CDH13: variants seen among roughly 807,000 people sequenced by gnomAD.
The protein encoded by CDH13 is cadherin-13.
In CDH13, 24 loss-of-function variants were observed where a neutral mutation model predicts 63.8. The ratio of observed to expected loss-of-function variants is 0.38; its 90% CI spans 0.27 to 0.53. The LOEUF (loss-of-function observed/expected upper bound fraction) is 0.53. Ranked by LOEUF, CDH13 falls within the 20% of genes least tolerant of loss-of-function variation. The pLI is 0.85. For missense variants in CDH13, 1,049 were observed against 903.1 expected (o/e 1.16, Z -2.07); for synonymous variants, 503 against 355.3 (o/e 1.42, Z -4.67).
intron 5 of CDH13, among the ~76,000 whole-genome samples, chr16:83,334,095 G>T (rs532306294): frequency 2.6e-5 from 4 of 151,902 alleles, no homozygotes; most frequent in Non-Finnish European, 5.9e-5. Flanking sequence ...TGGCCTCATG[G>T]TACCTTTCTC....
chr16:83,627,686 G>A (rs145504269), intron 8 of CDH13, among the ~76,000 whole-genome samples: 121 of 152,232 alleles, frequency 7.9e-4, no homozygotes, highest in African/African-American at 2.7e-3. Flanking sequence ...AAGTAGCTGG[G>A]GTTATAGGTA....
At chr16:82,956,892 C>G (rs1254449387) in intron 2 of CDH13, among the ~76,000 whole-genome samples, 2 of 152,198 alleles carry the variant, frequency 1.3e-5, no homozygotes, top group Non-Finnish European at 2.9e-5. Context: ...ATGCATATTA[C>G]TCTCTCAAGT....
chr16:82,908,150 C>G (rs948648854), intron 2 of CDH13, among the ~76,000 whole-genome samples: 1 of 151,950 alleles, frequency 6.6e-6, no homozygotes, highest in Non-Finnish European at 1.5e-5. Context: ...AGGCAGAAGA[C>G]AGGTATGTTT....
intron 1 of CDH13, among the ~76,000 whole-genome samples, chr16:82,743,968 G>C (rs2034048681): frequency 1.3e-5 from 2 of 152,148 alleles, no homozygotes; most frequent in African/African-American, 4.8e-5. Flanking sequence ...CTATATACCA[G>C]GTGCTCTTTT....
At chr16:83,134,793 C>T (rs1162395732) in intron 4 of CDH13, among the ~76,000 whole-genome samples, 1 of 152,148 alleles carries the variant, frequency 6.6e-6, no homozygotes, top group Non-Finnish European at 1.5e-5. Context: ...AATGACAAAA[C>T]ATAATCGGGT....
intron 4 of CDH13, among the ~76,000 whole-genome samples, chr16:83,131,881 A>G (rs1322837635): frequency 1.3e-5 from 2 of 152,228 alleles, no homozygotes; most frequent in Non-Finnish European, 2.9e-5. Flanking sequence ...AAGGGAATCA[A>G]CATTGATCAT....
At chr16:82,942,571 T>C (rs1479748487) in intron 2 of CDH13, among the ~76,000 whole-genome samples, 1 of 152,216 alleles carries the variant, frequency 6.6e-6, no homozygotes, top group Non-Finnish European at 1.5e-5. Flanking sequence ...GCGTCTGCAT[T>C]CTAGGGCATG....
chr16:83,488,303 C>T (rs1209883511), intron 7 of CDH13, among the ~76,000 whole-genome samples: 1 of 152,092 alleles, frequency 6.6e-6, no homozygotes, highest in African/African-American at 2.4e-5. Context: ...TGGTCATATG[C>T]ATGTTTATAT....
At chr16:82,719,378 G>A in intron 1 of CDH13, 1 of 455,918 alleles carries the variant, frequency 2.2e-6, no homozygotes, top group South Asian at 1.5e-5. Flanking sequence ...GGTCCTGTGT[G>A]CAAGTCCCAG....
At chr16:82,959,645 GGTAA>G (rs1189847408) in intron 2 of CDH13, among the ~76,000 whole-genome samples, 1 of 152,096 alleles carries the variant, frequency 6.6e-6, no homozygotes, top group Non-Finnish European at 1.5e-5. Flanking sequence ...GGTTCACCTG[GGTAA>G]GTGAGAAGAC....
chr16:83,359,963 C>G (rs1045378389), intron 6 of CDH13, among the ~76,000 whole-genome samples: 2 of 152,176 alleles, frequency 1.3e-5, no homozygotes, highest in Non-Finnish European at 2.9e-5. Context: ...TCTTAGGACA[C>G]CACACATATA....
intron 2 of CDH13, among the ~76,000 whole-genome samples, chr16:82,919,081 A>G (rs948224668): frequency 6.6e-6 from 1 of 152,030 alleles, no homozygotes; most frequent in African/African-American, 2.4e-5. Flanking sequence ...TTTTTGTTTT[A>G]TAGTACTCAT....
chr16:83,247,421 C>A (rs1160888157), intron 5 of CDH13, among the ~76,000 whole-genome samples: 1 of 152,118 alleles, frequency 6.6e-6, no homozygotes, highest in Non-Finnish European at 1.5e-5. Context: ...ATATCCCACT[C>A]TTGTGTCCTA....
At chr16:83,484,315 G>T (rs74032579) in intron 6 of CDH13, among the ~76,000 whole-genome samples, 4,382 of 152,256 alleles carry the variant, frequency 0.029, 221 homozygotes, top group African/African-American at 0.098. Flanking sequence ...GACTATTCCT[G>T]CTGCTTTGTT....
At chr16:83,648,732 C>G (rs1402574146) in intron 8 of CDH13, among the ~76,000 whole-genome samples, 1 of 152,134 alleles carries the variant, frequency 6.6e-6, no homozygotes, top group Non-Finnish European at 1.5e-5. Context: ...GAGTCAGTAT[C>G]ATTCTATCTT....
intron 1 of CDH13, among the ~76,000 whole-genome samples, chr16:82,842,088 C>CTA (rs2039029732): frequency 1.5e-5 from 1 of 68,504 alleles, no homozygotes; most frequent in African/African-American, 4.9e-5. Flanking sequence ...GTCTTGCATT[C>CTA]TACATATATA....
chr16:83,249,374 A>G (rs965084316), intron 5 of CDH13, among the ~76,000 whole-genome samples: 1 of 152,192 alleles, frequency 6.6e-6, no homozygotes, highest in African/African-American at 2.4e-5. Flanking sequence ...GGGCAACACC[A>G]AGGATTGTCT....
chr16:83,487,673 C>A (rs2073921324), intron 7 of CDH13, among the ~76,000 whole-genome samples: 1 of 152,210 alleles, frequency 6.6e-6, no homozygotes, highest in Admixed American at 6.6e-5. Flanking sequence ...GAATTCCCTG[C>A]TCCTGACATC....
chr16:83,465,817 G>A (rs1598085042), intron 6 of CDH13, among the ~76,000 whole-genome samples: 1 of 152,282 alleles, frequency 6.6e-6, no homozygotes, highest in East Asian at 1.9e-4. Context: ...AGGTGTATCA[G>A]CCGAGGAAGC....
Sources: allele counts gnomAD v4.1 joint callset (sites outside exome capture counted in the v4.1 genomes callset), GRCh38; gene constraint gnomAD v4.1.1; transcripts MANE v1.5; gene names NCBI Gene and HGNC (gene_info 2026-07-23, HGNC 2026-07-21).